TMC2: variants seen among roughly 807,000 people sequenced by gnomAD.
TMC2 encodes transmembrane channel-like protein 2.
Under a neutral mutation model 105.9 loss-of-function variants are expected in TMC2, and 102 were observed. The observed-to-expected ratio is 0.96, with a 90% confidence interval of 0.82 to 1.14. The LOEUF is 1.14. Among genes scored for constraint, TMC2 ranks in the 50% most tolerant of loss-of-function variants. The pLI, the probability that TMC2 is intolerant of heterozygous loss-of-function variation, is 0.00. For synonymous variants in TMC2, 402 were observed against 422.8 expected (o/e 0.95, Z 0.60); for missense variants, 1,093 against 1,134.3 (o/e 0.96, Z 0.52).
chr20:2,559,327 A>C (rs2086008962), intron 3 of TMC2, among the ~76,000 whole-genome samples: 1 of 152,066 alleles, frequency 6.6e-6, no homozygotes, highest in African/African-American at 2.4e-5. Flanking sequence ...TGGAGGTTTT[A>C]TTTGTTTTGC....
At chr20:2,541,773 T>C (rs575268035) in intron 2 of TMC2, among the ~76,000 whole-genome samples, 2 of 152,328 alleles carry the variant, frequency 1.3e-5, no homozygotes, top group East Asian at 1.9e-4. Context: ...GTAATAAATA[T>C]GCATTTTAAC....
intron 17 of TMC2, among the ~76,000 whole-genome samples, chr20:2,626,438 A>C (rs1397339722): frequency 6.6e-6 from 1 of 152,130 alleles, no homozygotes; most frequent in African/African-American, 2.4e-5. Context: ...TTTCAGGAGC[A>C]AGCATCCCAA....
In TMC2 at chr20:2,558,261, G is replaced by A; in HGVS notation, c.83-195G>A. The stretch of plus-strand genomic sequence containing the variant: ...GCCAGAGAGTGACCTTCCTGCTTCT[G>A]CAGTTTTCTTAGTTTCCTTCAGCTT... On this transcript the variant is annotated intron_variant, in intron 2 of 19. Coordinates refer to ENST00000358864, the MANE Select transcript of TMC2 (RefSeq NM_080751.3). This position sits in a 1 kb window ranked among gnomAD's most constrained non-coding sequence, Gnocchi z 4.6. The A allele has an allele frequency of 7.4e-7, 1 of 1,342,348 alleles. No individual in the cohort carries two copies. Among genetic ancestry groups the A allele is most frequent in the Non-Finnish European group, 9.9e-7 (1 of 1,010,968 alleles). 83.2% of individuals were successfully genotyped at this position (1,342,348 alleles called of 1,614,324 possible).
chr20:2,544,982 G>T (rs911985117), intron 2 of TMC2, among the ~76,000 whole-genome samples: 3 of 151,386 alleles, frequency 2.0e-5, no homozygotes, highest in African/African-American at 4.9e-5. Context: ...GATCACTTGA[G>T]GCCAGGAGTT....
chr20:2,617,349 C>T (rs202036014), intron 16 of TMC2, 38 bp downstream of exon 16: 46 of 1,612,562 alleles, frequency 2.9e-5, no homozygotes, highest in Middle Eastern at 1.7e-4. Context: ...CCTCCCCTCC[C>T]GAGGCAGTCT....
intron 11 of TMC2, among the ~76,000 whole-genome samples, chr20:2,606,218 T>C (rs1336993268): frequency 6.6e-6 from 1 of 152,196 alleles, no homozygotes; most frequent in African/African-American, 2.4e-5. Context: ...CATCCTGGTA[T>C]TGGTCATTCT....
intron 8 of TMC2, among the ~76,000 whole-genome samples, chr20:2,593,078 G>A (rs373598517): frequency 2.7e-4 from 41 of 152,256 alleles, no homozygotes; most frequent in Middle Eastern, 3.4e-3. Context: ...TCACAGTTCC[G>A]CATGGCTGGG....
At position 2,635,936 on chromosome 20, in the gene TMC2, T is replaced by C. The variant is rs202187807; in HGVS notation, c.2317T>C (p.Tyr773His). 1.2e-6 allele frequency: 2 copies of C among 1,614,108 alleles called. No homozygotes were observed. The highest frequency in any genetic ancestry group is 1.7e-6 in the Non-Finnish European group (2 of 1,179,956). Residue 773 changes from tyrosine to histidine, a missense_variant, in exon 18 of 20, where the codon TAC (tyrosine) becomes CAC (histidine). Tyr to His is a moderately conservative substitution (Grantham distance 83, BLOSUM62 2). Transcript: ENST00000358864. Reference protein sequence around the residue: ...PAILLMFLAIYYLNSVSKSLS... With the variant: ...PAILLMFLAIHYLNSVSKSLS... ...GCTTTTCTCTTGCAGCTTGGCCATT[T>C]ACTACCTGAACTCAGTTTCCAAAAG...
chr20:2,639,498 T>C (rs769608281), intron 19 of TMC2, among the ~76,000 whole-genome samples: 3 of 152,228 alleles, frequency 2.0e-5, no homozygotes, highest in Non-Finnish European at 2.9e-5. Context: ...CTAGGAGCAA[T>C]AGGCTGAACC....
At chr20:2,596,103 C>T (rs1403986534) in intron 9 of TMC2, among the ~76,000 whole-genome samples, 1 of 152,152 alleles carries the variant, frequency 6.6e-6, no homozygotes, top group Non-Finnish European at 1.5e-5. Flanking sequence ...TGTGGAACAG[C>T]AAATCCAGAG....
intron 2 of TMC2, among the ~76,000 whole-genome samples, chr20:2,538,856 TCTC>T (rs894026343): frequency 6.6e-6 from 1 of 152,128 alleles, no homozygotes; most frequent in African/African-American, 2.4e-5. Flanking sequence ...CCATTTTAAA[TCTC>T]CTCTGGAGTC....
intron 2 of TMC2, among the ~76,000 whole-genome samples, chr20:2,555,246 A>T (rs2085978904): frequency 6.6e-6 from 1 of 151,796 alleles, no homozygotes; most frequent in South Asian, 2.1e-4. Context: ...ATGCCCAGCT[A>T]ATTTTTGTAT....
rs190060307 is a variant in TMC2 at position 2,578,276 on chromosome 20, C to T, written c.646-870C>T. ...TGGAGGTTGCAGTGAACCGAGATTG[C>T]GCTACTGCACTCCAGCCTGGGCAAC... On this transcript the variant is annotated intron_variant, in intron 5 of 19. Transcript: ENST00000358864. Among the ~76,000 whole-genome samples, 534 of 152,174 alleles carry T rather than the reference C, an allele frequency of 3.5e-3. 1 individual carries two copies. Among genetic ancestry groups the T allele is most frequent in the Non-Finnish European group, 5.2e-3 (352 of 68,014 alleles).
rs751058031 is a variant in TMC2, at chr20:2,612,337, C to T, written c.1740C>T (p.Gly580=). The T allele has an allele frequency of 1.3e-6, 2 of 1,569,562 alleles. No homozygotes were observed. Among genetic ancestry groups the T allele is most frequent in the Admixed American group, 1.7e-5 (1 of 57,648 alleles). ...GTTCTTGCTGGGAGACAGCTGTGGG[C>T]ATTGTGAGTAGTTACACTCTCTAAA... ...PRGSCWETAV[G]IEFMRLTVSD... is the part of the protein sequence containing the mutation. Residue 580 remains glycine (G), a synonymous_variant, in exon 13 of 20, where the codon GGC becomes GGT. Coordinates refer to ENST00000358864, the MANE Select transcript of TMC2 (RefSeq NM_080751.3).
intron 17 of TMC2, among the ~76,000 whole-genome samples, chr20:2,632,626 G>A (rs1239424810): frequency 6.6e-6 from 1 of 151,998 alleles, no homozygotes; most frequent in African/African-American, 2.4e-5. Flanking sequence ...GTCTCACTCT[G>A]TTGCCCAGGC....
chr20:2,639,184 C>T (rs983595091), intron 19 of TMC2, among the ~76,000 whole-genome samples: 4 of 152,160 alleles, frequency 2.6e-5, no homozygotes, highest in Admixed American at 6.5e-5. Context: ...CCTGAGCCAC[C>T]GCGTCCGGCC....
intron 2 of TMC2, among the ~76,000 whole-genome samples, chr20:2,543,994 T>G (rs908787085): frequency 3.3e-5 from 5 of 150,502 alleles, no homozygotes; most frequent in Non-Finnish European, 5.9e-5. Flanking sequence ...CTCCACCTCC[T>G]GGGTTCAAGC....
intron 2 of TMC2, among the ~76,000 whole-genome samples, chr20:2,552,323 T>G (rs146008854): frequency 3.5e-4 from 54 of 152,346 alleles, no homozygotes; most frequent in African/African-American, 1.3e-3. Flanking sequence ...GCTGGGATTT[T>G]GATTGAAATC....
intron 2 of TMC2, among the ~76,000 whole-genome samples, chr20:2,546,475 C>T (rs375429995): frequency 6.6e-6 from 1 of 152,170 alleles, no homozygotes; most frequent in Non-Finnish European, 1.5e-5. Flanking sequence ...AGAGTAGTAA[C>T]CTGCAGAGTT....
Sources: gnomAD v4.1 joint callset for allele counts (sites outside exome capture counted in the v4.1 genomes callset) on GRCh38, gnomAD v4.1.1 for gene constraint, Gnocchi (gnomAD v3.1) non-coding constraint, MANE v1.5 for transcripts, NCBI Gene and HGNC (gene_info 2026-07-23, HGNC 2026-07-21) for gene names.